Variants in SPRY3 observed in about 807,000 individuals in gnomAD.
The protein encoded by SPRY3 is sprouty RTK signaling antagonist 3, also known as protein sprouty homolog 3.
Under a neutral mutation model 20.2 loss-of-function variants are expected in SPRY3, and 15 were observed. That is an observed-to-expected ratio of 0.74 (90% CI 0.50 to 1.14). The LOEUF (loss-of-function observed/expected upper bound fraction) is 1.14. Among genes scored for constraint, SPRY3 ranks in the 50% most tolerant of loss-of-function variants. The probability of loss-of-function intolerance (pLI) is 0.00; values close to 1 mark genes in which losing one functional copy is unlikely to be tolerated. For synonymous variants in SPRY3, 143 were observed against 136.5 expected, an observed-to-expected ratio of 1.05 and a Z score of -0.33; for missense variants, 364 against 363.9, an observed-to-expected ratio of 1.00 and a Z score of 0.00.
intron 1 of SPRY3, among the ~76,000 whole-genome samples, chrX:155,654,828 A>G (rs920569391): frequency 9.0e-6 from 1 of 110,596 alleles, no homozygotes; most frequent in Non-Finnish European, 1.9e-5. Context: ...CAATAAACAT[A>G]TAAGTGCAAG....
intron 2 of SPRY3, among the ~76,000 whole-genome samples, chrX:155,745,846 T>C (rs748234270): frequency 2.0e-5 from 3 of 152,144 alleles, no homozygotes; most frequent in Non-Finnish European, 2.9e-5. Context: ...TCAGAAACAC[T>C]GGGTAGGAGC....
At chrX:155,735,461 C>A (rs1309232263) in intron 2 of SPRY3, among the ~76,000 whole-genome samples, 1 of 151,910 alleles carries the variant, frequency 6.6e-6, no homozygotes, top group Non-Finnish European at 1.5e-5. Flanking sequence ...TCTTGCAGTT[C>A]TATCAGTTTT....
chrX:155,750,717 G>A (rs191339282), intron 2 of SPRY3, among the ~76,000 whole-genome samples: 67 of 151,944 alleles, frequency 4.4e-4, no homozygotes, highest in Non-Finnish European at 8.7e-4. Flanking sequence ...CTAGATTTTG[G>A]AGGTTTAAGG....
Position 155,750,305 on chromosome X carries a change from G to C in SPRY3, c.-281-17657G>C, listed in dbSNP as rs139894279. Among the ~76,000 whole-genome samples the C allele has an allele frequency of 6.0e-3, 913 of 151,904 alleles. 10 individuals are homozygous for C. Among genetic ancestry groups the C allele is most frequent in the African/African-American group, 0.021 (859 of 41,466 alleles). On this transcript the variant is annotated intron_variant, in intron 2 of 3. Transcript: ENST00000675360. ...GGGGGAAGGGAAGAGTGTAAGGGTT[G>C]AAAAACTAACTGTTGGGTACTATGC...
At chrX:155,723,389 A>G (rs2091075463) in intron 2 of SPRY3, among the ~76,000 whole-genome samples, 1 of 152,012 alleles carries the variant, frequency 6.6e-6, no homozygotes, top group East Asian at 1.9e-4. Flanking sequence ...ACTAATTTAC[A>G]CTCCCACCAA....
intron 1 of SPRY3, among the ~76,000 whole-genome samples, chrX:155,633,376 TA>T (rs1170609386): frequency 0.026 from 540 of 21,084 alleles, 3 homozygotes; most frequent in African/African-American, 0.067. Flanking sequence ...CCGTCTCTAC[TA>T]AAAAAAAAAA....
chrX:155,700,616 C>CTT (rs759851874), intron 2 of SPRY3, among the ~76,000 whole-genome samples: 3 of 66,048 alleles, frequency 4.5e-5, no homozygotes, highest in Admixed American at 3.2e-4. Context: ...GAATGAAGTT[C>CTT]TTTTTTTTTT....
At chrX:155,675,686 T>C (rs1199556100) in intron 2 of SPRY3, among the ~76,000 whole-genome samples, 1 of 111,438 alleles carries the variant, frequency 9.0e-6, no homozygotes, top group Non-Finnish European at 1.9e-5. Context: ...CTATTGACAA[T>C]GTTGTTATAT....
chrX:155,720,467 G>A (rs1379743401), intron 2 of SPRY3, among the ~76,000 whole-genome samples: 2 of 152,094 alleles, frequency 1.3e-5, no homozygotes, highest in Non-Finnish European at 2.9e-5. Context: ...CATTAGCCAG[G>A]TAGTAGTTAT....
chrX:155,704,252 T>A (rs928006962), intron 2 of SPRY3, among the ~76,000 whole-genome samples: 39 of 151,806 alleles, frequency 2.6e-4, no homozygotes, highest in Non-Finnish European at 3.7e-4. Context: ...TAGTTAAATG[T>A]TCCACCAGAA....
chrX:155,723,416 C>T (rs2091075714), intron 2 of SPRY3, among the ~76,000 whole-genome samples: 1 of 152,262 alleles, frequency 6.6e-6, no homozygotes, highest in East Asian at 1.9e-4. Context: ...AAAAGCATTC[C>T]TATTTCTCCA....
chrX:155,737,131 A>G (rs1282628559), intron 2 of SPRY3, among the ~76,000 whole-genome samples: 1 of 152,114 alleles, frequency 6.6e-6, no homozygotes, highest in Non-Finnish European at 1.5e-5. Flanking sequence ...AGCCCTTAAC[A>G]TATTAGTTAT....
At chrX:155,735,531 C>CT (rs1432606752) in intron 2 of SPRY3, among the ~76,000 whole-genome samples, 1 of 151,936 alleles carries the variant, frequency 6.6e-6, no homozygotes, top group Admixed American at 6.6e-5. Flanking sequence ...GTTGTTTCTT[C>CT]TTAGAGAATT....
chrX:155,746,401 T>C (rs1033445647), intron 2 of SPRY3, among the ~76,000 whole-genome samples: 11 of 152,016 alleles, frequency 7.2e-5, no homozygotes, highest in Non-Finnish European at 1.3e-4. Flanking sequence ...CTTTCTGATA[T>C]TGTTAATACA....
chrX:155,632,818 G>A (rs1384986825), intron 1 of SPRY3, among the ~76,000 whole-genome samples: 2 of 111,784 alleles, frequency 1.8e-5, no homozygotes, highest in African/African-American at 6.5e-5. Flanking sequence ...ATACAGGGAG[G>A]AGTAAAGAAT....
At chrX:155,656,308 T>C (rs1404825456) in intron 1 of SPRY3, among the ~76,000 whole-genome samples, 2 of 111,254 alleles carry the variant, frequency 1.8e-5, no homozygotes, top group African/African-American at 6.5e-5. Context: ...TTTTAATCTT[T>C]TTTTCTCTAA....
intron 2 of SPRY3, among the ~76,000 whole-genome samples, chrX:155,711,205 T>A (rs1602954876): frequency 6.6e-6 from 1 of 151,944 alleles, no homozygotes; most frequent in East Asian, 1.9e-4. Flanking sequence ...TCCCTCTTTA[T>A]TTTTTAAAAT....
chrX:155,705,757 A>G (rs1174652216), intron 2 of SPRY3, among the ~76,000 whole-genome samples: 1 of 151,452 alleles, frequency 6.6e-6, no homozygotes. Context: ...AGGAATATTA[A>G]CAGGGATATA....
At chrX:155,738,457 G>T in intron 2 of SPRY3, among the ~76,000 whole-genome samples, 1 of 152,170 alleles carries the variant, frequency 6.6e-6, no homozygotes, top group East Asian at 1.9e-4. Flanking sequence ...AGCAGCTTCA[G>T]TCCATGGCTT....
Sources: allele counts gnomAD v4.1 joint callset (sites outside exome capture counted in the v4.1 genomes callset), GRCh38; gene constraint gnomAD v4.1.1; transcripts MANE v1.5; gene names NCBI Gene and HGNC (gene_info 2026-07-23, HGNC 2026-07-21).